The following APBB2 variants were observed in gnomAD, a reference collection of about 807,000 sequenced individuals.
APBB2 encodes the protein amyloid beta precursor protein binding family B member 2.
Under a neutral mutation model 82.5 loss-of-function variants are expected in APBB2, and 38 were observed. The ratio of observed to expected loss-of-function variants is 0.46; its 90% CI spans 0.36 to 0.60. APBB2 has a LOEUF of 0.60. Among genes scored for constraint, APBB2 ranks in the 20% least tolerant of loss-of-function variants. APBB2 has a pLI of 0.00. For missense variants in APBB2, 772 were observed against 972.3 expected (o/e 0.79, Z 2.74); for synonymous variants, 341 against 368.2 (o/e 0.93, Z 0.85).
intron 12 of APBB2, chr4:40,880,074 A>C: frequency 1.0e-6 from 1 of 985,444 alleles, no homozygotes; most frequent in Non-Finnish European, 1.2e-6. Flanking sequence ...TGACCCTTGC[A>C]TGAAAGGACC....
At chr4:40,946,468 A>G (rs62410342) in intron 6 of APBB2, among the ~76,000 whole-genome samples, 59,164 of 151,592 alleles carry the variant, frequency 0.39, 12,274 homozygotes, top group Non-Finnish European at 0.47. Flanking sequence ...AAATACGTCT[A>G]CTAGACAATT....
chr4:40,922,350 C>T (rs1781471904), intron 10 of APBB2, among the ~76,000 whole-genome samples: 1 of 152,202 alleles, frequency 6.6e-6, no homozygotes, highest in African/African-American at 2.4e-5. Context: ...TGAATACATA[C>T]ATGCCGAGTG....
intron 12 of APBB2, chr4:40,881,528 CTTTTTCTTTTTTTTTT>C (rs1768541704): frequency 1.9e-5 from 3 of 154,910 alleles, no homozygotes; most frequent in Non-Finnish European, 2.1e-5. Context: ...CTTTTCTTTT[CTTTTTCTTTTTTTTTT>C]TTTTTTTGAT....
intron 6 of APBB2, among the ~76,000 whole-genome samples, chr4:40,974,800 A>G (rs1367086104): frequency 1.3e-5 from 2 of 152,266 alleles, no homozygotes; most frequent in African/African-American, 4.8e-5. Flanking sequence ...GCTGCCTTTA[A>G]GGAACTCACA....
intron 12 of APBB2, chr4:40,857,216 T>G (rs1761539013): frequency 1.0e-6 from 1 of 980,054 alleles, no homozygotes; most frequent in Non-Finnish European, 1.2e-6. Flanking sequence ...CGGCCGCCCA[T>G]TGGCTGCTGG....
intron 3 of APBB2, among the ~76,000 whole-genome samples, chr4:41,068,188 A>C (rs1255526656): frequency 6.6e-6 from 1 of 152,210 alleles, no homozygotes; most frequent in African/African-American, 2.4e-5. Context: ...TTTCCTATAC[A>C]TATGTACCGA....
At chr4:41,013,001 T>A (rs1579237048) in intron 6 of APBB2, among the ~76,000 whole-genome samples, 1 of 152,340 alleles carries the variant, frequency 6.6e-6, no homozygotes, top group East Asian at 1.9e-4. Context: ...TCTAAACTTC[T>A]GAATATATTT....
chr4:40,902,836 C>T (rs964644958), intron 10 of APBB2, among the ~76,000 whole-genome samples: 1 of 152,182 alleles, frequency 6.6e-6, no homozygotes, highest in Non-Finnish European at 1.5e-5. Flanking sequence ...GGACCCAACA[C>T]CCAGTTTTTA....
intron 5 of APBB2, among the ~76,000 whole-genome samples, chr4:41,028,905 TC>T (rs757539133): frequency 6.6e-6 from 1 of 152,176 alleles, no homozygotes; most frequent in Non-Finnish European, 1.5e-5. Context: ...AACCTGGCTT[TC>T]CCCCTCCTCC....
intron 4 of APBB2, among the ~76,000 whole-genome samples, chr4:41,036,310 G>A (rs1477130957): frequency 6.6e-6 from 1 of 152,190 alleles, no homozygotes; most frequent in Non-Finnish European, 1.5e-5. Flanking sequence ...ACCGAGGGAT[G>A]ACTGTCCTTA....
At chr4:40,992,592 G>A (rs1344557940) in intron 6 of APBB2, among the ~76,000 whole-genome samples, 1 of 152,146 alleles carries the variant, frequency 6.6e-6, no homozygotes, top group Non-Finnish European at 1.5e-5. Context: ...TATGTAGTAA[G>A]GAAGAGAGCA....
chr4:40,961,667 T>TAAAAAAAAAAAAAAAAAAAAAA (rs60942744), intron 6 of APBB2, among the ~76,000 whole-genome samples: 2 of 68,248 alleles, frequency 2.9e-5, no homozygotes, highest in Admixed American at 2.2e-4. Context: ...AAAAAAGATG[T>TAAAAAAAAAAAAAAAAAAAAAA]AAAAAAAAAA....
chr4:40,956,885 C>A (rs1791771196), intron 6 of APBB2, among the ~76,000 whole-genome samples: 1 of 152,098 alleles, frequency 6.6e-6, no homozygotes, highest in Non-Finnish European at 1.5e-5. Context: ...ACAAAAGTTT[C>A]TTAATTTAAA....
chr4:40,885,271 T>A (rs551059860), intron 12 of APBB2, among the ~76,000 whole-genome samples: 1 of 152,110 alleles, frequency 6.6e-6, no homozygotes. Flanking sequence ...GCTAACAGAA[T>A]GTAGAGGAGG....
At chr4:40,936,816 T>G (rs545872272) in intron 7 of APBB2, among the ~76,000 whole-genome samples, 176 of 152,340 alleles carry the variant, frequency 1.2e-3, no homozygotes, top group African/African-American at 4.0e-3. Flanking sequence ...GTGTTCAGTC[T>G]TTATGAAGAG....
intron 6 of APBB2, chr4:40,990,360 CAGA>C (rs1411223559): frequency 6.6e-6 from 1 of 152,034 alleles, no homozygotes; most frequent in African/African-American, 2.4e-5. Context: ...TGTTGGACAT[CAGA>C]AGAATATTCC....
intron 6 of APBB2, among the ~76,000 whole-genome samples, chr4:40,986,456 G>A (rs1323346036): frequency 6.6e-6 from 1 of 152,228 alleles, no homozygotes; most frequent in African/African-American, 2.4e-5. Flanking sequence ...AGCCCAAGTA[G>A]AATCAGATTT....
chr4:40,907,371 ATATATATATTT>A (rs1205311030), intron 10 of APBB2, among the ~76,000 whole-genome samples: 746 of 42,746 alleles, frequency 0.017, 5 homozygotes, highest in Non-Finnish European at 0.023. Context: ...ATATATATAT[ATATATATATTT>A]TTTTTTTTTT....
At chr4:41,032,357 T>A (rs1320493537) in intron 5 of APBB2, among the ~76,000 whole-genome samples, 1 of 152,172 alleles carries the variant, frequency 6.6e-6, no homozygotes, top group Non-Finnish European at 1.5e-5. Flanking sequence ...ACTGTGAGGC[T>A]AGGGATTAAA....
Sources: gnomAD v4.1 joint callset for allele counts (sites outside exome capture counted in the v4.1 genomes callset) on GRCh38, gnomAD v4.1.1 for gene constraint, MANE v1.5 for transcripts, NCBI Gene and HGNC (gene_info 2026-07-23, HGNC 2026-07-21) for gene names.